PCDH15: variants seen among roughly 807,000 people sequenced by gnomAD.
PCDH15 encodes the protein protocadherin related 15.
In PCDH15, 129 loss-of-function variants were observed where a neutral mutation model predicts 178.5. The ratio of observed to expected loss-of-function variants is 0.72; its 90% CI spans 0.63 to 0.84. PCDH15 has a LOEUF of 0.84. Among genes scored for constraint, PCDH15 ranks in the 40% least tolerant of loss-of-function variants. The pLI is 0.00. For synonymous variants in PCDH15, 800 were observed against 732.0 expected (o/e 1.09, Z -1.50); for missense variants, 2,230 against 2,099.9 (o/e 1.06, Z -1.21).
intron 3 of PCDH15, among the ~76,000 whole-genome samples, chr10:54,818,897 G>T (rs1952990902): frequency 6.6e-6 from 1 of 152,014 alleles, no homozygotes. Context: ...TCTTATAATA[G>T]AATATAAATT....
chr10:55,617,692 T>C (rs1843507224), intron 2 of PCDH15, among the ~76,000 whole-genome samples: 1 of 152,060 alleles, frequency 6.6e-6, no homozygotes, highest in South Asian at 2.1e-4. Context: ...GTACTCTTTC[T>C]TTTAATTTTT....
At chr10:55,434,044 G>A (rs1838960057) in intron 2 of PCDH15, among the ~76,000 whole-genome samples, 1 of 149,532 alleles carries the variant, frequency 6.7e-6, no homozygotes, top group Admixed American at 6.7e-5. Flanking sequence ...CATAACATAA[G>A]GAAAACAAAT....
At chr10:55,544,135 C>CATAT (rs776630410) in intron 2 of PCDH15, among the ~76,000 whole-genome samples, 3,896 of 95,134 alleles carry the variant, frequency 0.041, 111 homozygotes, top group Middle Eastern at 0.07. Context: ...AAATCTTATA[C>CATAT]ATACATATAT....
chr10:55,150,182 C>T (rs1014699441), intron 2 of PCDH15, among the ~76,000 whole-genome samples: 2 of 151,992 alleles, frequency 1.3e-5, no homozygotes, highest in African/African-American at 4.8e-5. Flanking sequence ...GGAGAGGCAA[C>T]AGCCAATCGG....
chr10:54,058,627 A>C (rs368738860), intron 18 of PCDH15, among the ~76,000 whole-genome samples: 1 of 152,234 alleles, frequency 6.6e-6, no homozygotes, highest in South Asian at 2.1e-4. Flanking sequence ...TCCCCAAACC[A>C]TATGGTTGGG....
chr10:54,008,715 A>C (rs993068131), intron 20 of PCDH15, among the ~76,000 whole-genome samples: 1 of 66,390 alleles, frequency 1.5e-5, no homozygotes, highest in Non-Finnish European at 2.8e-5. Context: ...CATTAATAGC[A>C]AGTCTTTTTT....
chr10:54,165,106 C>A (rs577721824), intron 13 of PCDH15, among the ~76,000 whole-genome samples: 5 of 152,058 alleles, frequency 3.3e-5, no homozygotes, highest in African/African-American at 1.2e-4. Context: ...CTCCTGCTGG[C>A]CAAGCAAATT....
rs1260841226 is a variant in PCDH15 at position 54,247,881 on chromosome 10, A to AAAAATATAT, written c.877-10951_877-10950insATATATTTT. Among the ~76,000 whole-genome samples the AAAAATATAT allele has an allele frequency of 4.3e-3, 636 of 148,504 alleles. 5 individuals carry two copies. Among genetic ancestry groups the AAAAATATAT allele is most frequent in the African/African-American group, 0.015 (612 of 40,336 alleles). ...AGACTCTTTCTCAAAAAAAAAAAGAAATATGTATATATATATATCTACATT... is the reference window on the plus strand; with the variant it reads ...AGACTCTTTCTCAAAAAAAAAAAGAAAAAATATATATATGTATATATATATATCTACATT... On this transcript the variant is annotated intron_variant, in intron 8 of 37. Transcript: ENST00000644397.
chr10:54,907,226 A>G (rs1249269245), intron 2 of PCDH15, among the ~76,000 whole-genome samples: 1 of 152,202 alleles, frequency 6.6e-6, no homozygotes, highest in Non-Finnish European at 1.5e-5. Context: ...GACACTAATA[A>G]ATATATGACA....
intron 2 of PCDH15, among the ~76,000 whole-genome samples, chr10:55,033,988 C>T (rs1263243823): frequency 6.6e-6 from 1 of 151,922 alleles, no homozygotes; most frequent in South Asian, 2.1e-4. Flanking sequence ...GAGGGTACAG[C>T]ATTCCTCCTC....
intron 8 of PCDH15, among the ~76,000 whole-genome samples, chr10:54,238,737 G>A (rs1451012062): frequency 6.9e-6 from 1 of 144,066 alleles, no homozygotes; most frequent in Non-Finnish European, 1.5e-5. Flanking sequence ...CAATTTGCTT[G>A]GTATGCAATA....
At chr10:55,192,218 A>C (rs1839961605) in intron 1 of PCDH15, among the ~76,000 whole-genome samples, 1 of 151,952 alleles carries the variant, frequency 6.6e-6, no homozygotes, top group Non-Finnish European at 1.5e-5. Flanking sequence ...TGAAATTTGT[A>C]AATTTTATTT....
At chr10:54,004,676 A>G (rs11003992) in intron 20 of PCDH15, among the ~76,000 whole-genome samples, 14,122 of 152,134 alleles carry the variant, frequency 0.093, 1,894 homozygotes, top group African/African-American at 0.29. Flanking sequence ...GAATGAAAAG[A>G]TATCTCATGG....
chr10:54,889,133 C>A lies in PCDH15; in HGVS notation c.-29+8317G>T, dbSNP rs968920802. On this transcript the variant is annotated intron_variant, in intron 3 of 5. Transcript: ENST00000458638. ...ATTGATGACTCCCAAAATTTAAGAA[C>A]CTCCTATTTTTACTATTTAGTACAG... Among the ~76,000 whole-genome samples, 6 of 151,878 alleles carry A rather than the reference C, an allele frequency of 4.0e-5. No homozygotes were observed. In the East Asian group the frequency reaches 9.7e-4, roughly 25 times the overall value.
intron 3 of PCDH15, among the ~76,000 whole-genome samples, chr10:54,497,798 G>A (rs1323752048): frequency 6.6e-6 from 1 of 152,074 alleles, no homozygotes; most frequent in Non-Finnish European, 1.5e-5. Flanking sequence ...TGATAAATAT[G>A]AGATTATGTA....
chr10:54,706,779 A>AT (rs1565994469), intron 1 of PCDH15, among the ~76,000 whole-genome samples: 1 of 152,096 alleles, frequency 6.6e-6, no homozygotes, highest in African/African-American at 2.4e-5. Flanking sequence ...GCATGCCACC[A>AT]TGCCCGGCTA....
intron 27 of PCDH15, among the ~76,000 whole-genome samples, chr10:53,859,028 TCTC>T (rs2078936589): frequency 1.5e-5 from 2 of 134,922 alleles, no homozygotes; most frequent in East Asian, 5.2e-4. Flanking sequence ...CTTCCTTCCC[TCTC>T]CTCCTTTTTT....
chr10:53,820,269 C>A, intron 32 of PCDH15, 39 bp from the exon 33 acceptor site: 1 of 397,194 alleles, frequency 2.5e-6, no homozygotes, highest in South Asian at 1.3e-4. Context: ...AAATCACGTT[C>A]AAGAACCCCA....
At chr10:54,542,866 GC>G (rs2085407911) in intron 2 of PCDH15, among the ~76,000 whole-genome samples, 1 of 152,162 alleles carries the variant, frequency 6.6e-6, no homozygotes, top group South Asian at 2.1e-4. Context: ...GACCACCCTG[GC>G]CTGCCATGCC....
Sources: gnomAD v4.1 joint callset for allele counts (sites outside exome capture counted in the v4.1 genomes callset) on GRCh38, gnomAD v4.1.1 for gene constraint, MANE v1.5 for transcripts, NCBI Gene and HGNC (gene_info 2026-07-23, HGNC 2026-07-21) for gene names.